CSNK1E: variants seen among roughly 807,000 people sequenced by gnomAD.
CSNK1E encodes the protein casein kinase 1 epsilon.
In CSNK1E, 17 loss-of-function variants were observed where a neutral mutation model predicts 46.1. That is an observed-to-expected ratio of 0.37 (90% CI 0.25 to 0.55). The LOEUF is 0.55. CSNK1E is among the 20% of genes least tolerant of loss of function. CSNK1E has a pLI of 0.82. For missense variants in CSNK1E, 386 were observed against 595.4 expected (o/e 0.65, Z 3.66); for synonymous variants, 241 against 242.6 (o/e 0.99, Z 0.06).
intron 2 of CSNK1E, among the ~76,000 whole-genome samples, chr22:38,304,083 C>T (rs771782452): frequency 3.0e-4 from 45 of 152,266 alleles, no homozygotes; most frequent in Admixed American, 1.8e-3. Flanking sequence ...GTTTCCCTGG[C>T]TGTATGGGTG....
intron 1 of CSNK1E, among the ~76,000 whole-genome samples, chr22:38,315,588 A>G (rs555251551): frequency 6.6e-6 from 1 of 151,742 alleles, no homozygotes; most frequent in African/African-American, 2.4e-5. Context: ...GTACACTCCA[A>G]CGGAAGAAAG....
At chr22:38,305,314 C>A (rs1251900371) in intron 2 of CSNK1E, among the ~76,000 whole-genome samples, 1 of 151,684 alleles carries the variant, frequency 6.6e-6, no homozygotes, top group Non-Finnish European at 1.5e-5. Flanking sequence ...TCTTTGCATC[C>A]ACTCAACGTT....
intron 10 of CSNK1E, 105 bp downstream of exon 10, chr22:38,293,150 C>T (rs1569074089): frequency 1.7e-5 from 16 of 919,928 alleles, no homozygotes; most frequent in African/African-American, 1.6e-5. Flanking sequence ...CCATCTGCCA[C>T]TGCCACTGCC....
At chr22:38,312,023 C>T (rs533132269) in intron 2 of CSNK1E, among the ~76,000 whole-genome samples, 24 of 152,230 alleles carry the variant, frequency 1.6e-4, no homozygotes, top group African/African-American at 5.1e-4. Flanking sequence ...AGGCTGGTCT[C>T]GAACTCCTGA....
intron 4 of CSNK1E, 120 bp downstream of exon 4, chr22:38,302,741 G>A: frequency 8.8e-7 from 1 of 1,142,192 alleles, no homozygotes; most frequent in South Asian, 1.5e-5. Context: ...CAATTCTATA[G>A]CCAGTGGACA....
At position 38,298,430 on chromosome 22, in the gene CSNK1E, G is replaced by T; in HGVS notation, c.885+356C>A. The T allele has an allele frequency of 2.7e-6, 1 of 369,758 alleles. No homozygotes were observed. The highest frequency in any genetic ancestry group is 5.2e-6 in the Non-Finnish European group (1 of 190,932). 22.9% of individuals were successfully genotyped at this position (369,758 alleles called of 1,614,324 possible). The stretch of plus-strand genomic sequence containing the variant: ...GGCCATGGTGCAGGTAGCCACCTGG[G>T]ATGTGCAGAACAGGAGCAGCAGGAC... On this transcript the variant is annotated intron_variant, in intron 7 of 10. Coordinates refer to ENST00000396832, the MANE Select transcript of CSNK1E (RefSeq NM_152221.3). The surrounding 1 kb of genome is among the most constrained non-coding windows in gnomAD (Gnocchi z 4.2).
intron 10 of CSNK1E, chr22:38,292,977 G>A (rs573254857): frequency 2.6e-4 from 126 of 477,664 alleles, no homozygotes; most frequent in African/African-American, 2.4e-3. Context: ...AATATGTTAA[G>A]GCAGAAGGAG....
At chr22:38,296,664 G>A (rs764807388) in intron 7 of CSNK1E, 3 of 1,612,876 alleles carry the variant, frequency 1.9e-6, no homozygotes, top group Admixed American at 1.7e-5. Context: ...ACCAGCAGCA[G>A]TGGGTGGAGA....
In CSNK1E at chr22:38,293,311, C is replaced by T. The variant is rs779048216; in HGVS notation, c.1227G>A (p.Val409=). Reference sequence around the variant, plus strand: ...CTCACTTCCCGAGATGGTCAAATGGCACACTTGTCTTTTGAGGGTGGGGAG... The same window carrying T: ...CTCACTTCCCGAGATGGTCAAATGGTACACTTGTCTTTTGAGGGTGGGGAG... ...VSRIPASQTS[V]PFDHLGK Residue 409 remains valine, a synonymous_variant, in exon 10 of 11, where the codon GTG becomes GTA. Coordinates refer to ENST00000396832, the MANE Select transcript of CSNK1E (RefSeq NM_152221.3). 16 of 1,609,482 alleles carry T rather than the reference C, an allele frequency of 9.9e-6. No homozygotes were observed. The highest frequency in any genetic ancestry group is 2.2e-5 in the East Asian group (1 of 44,724).
rs143947341 is a variant in CSNK1E at position 38,315,786 on chromosome 22, G to A, written c.-13+1374C>T. Among the ~76,000 whole-genome samples the A allele has an allele frequency of 2.6e-3, 393 of 152,090 alleles. 1 individual carries two copies. The highest frequency in any genetic ancestry group is 9.1e-3 in the African/African-American group (378 of 41,462). ...CCTATATTACATAAATACCCACGCC[G>A]GGTTATATAAATACCCGTGCCCTCT... On this transcript the variant is annotated intron_variant, in intron 1 of 10. Coordinates refer to ENST00000396832, the MANE Select transcript of CSNK1E (RefSeq NM_152221.3).
chr22:38,292,924 T>G, intron 10 of CSNK1E: 1 of 359,630 alleles, frequency 2.8e-6, no homozygotes, highest in East Asian at 7.4e-5. Flanking sequence ...GAGGTCAGAG[T>G]GTGAGCCCAT....
rs2092663229 is a variant in CSNK1E, at chr22:38,300,118, A to C, written c.566-53T>G. 1 of 1,559,400 alleles carries C rather than the reference A, an allele frequency of 6.4e-7. No homozygotes were observed. The highest frequency in any genetic ancestry group is 1.4e-5 in the African/African-American group (1 of 73,570). ...GGGACAGGGGTCCACTCAGGCCCCT[A>C]ACTCATCCTCTGGGTCATGCTCCTC... On this transcript the variant is annotated intron_variant, in intron 5 of 10. Coordinates refer to ENST00000396832, the MANE Select transcript of CSNK1E (RefSeq NM_152221.3). This position sits in a 1 kb window ranked among gnomAD's most constrained non-coding sequence, Gnocchi z 4.4.
At chr22:38,296,912 T>C (rs879499339) in intron 7 of CSNK1E, 6 of 614,794 alleles carry the variant, frequency 9.8e-6, no homozygotes, top group Non-Finnish European at 1.4e-5. Context: ...GCAGCTGGGA[T>C]TACAGGAACA....
chr22:38,301,432 CT>C (rs1289789442), intron 4 of CSNK1E, among the ~76,000 whole-genome samples: 2 of 151,966 alleles, frequency 1.3e-5, no homozygotes, highest in Non-Finnish European at 2.9e-5. Flanking sequence ...GCCCTCTTTC[CT>C]TTGATATTTT....
intron 2 of CSNK1E, among the ~76,000 whole-genome samples, chr22:38,308,319 A>T (rs1027486067): frequency 1.5e-4 from 23 of 152,338 alleles, no homozygotes; most frequent in Middle Eastern, 3.4e-3. Flanking sequence ...CTTTTGACAC[A>T]TCAATGCTCG....
chr22:38,296,550 G>A (rs778560822), intron 7 of CSNK1E: 24 of 1,611,488 alleles, frequency 1.5e-5, no homozygotes, highest in African/African-American at 2.7e-5. Context: ...TACAGTGGCC[G>A]TGGCATTGAG....
chr22:38,294,328 G>T lies in CSNK1E; in HGVS notation c.1078+14C>A. 1 of 1,584,034 alleles carries T rather than the reference G, an allele frequency of 6.3e-7. No homozygotes were observed. The highest frequency in any genetic ancestry group is 8.6e-7 in the Non-Finnish European group (1 of 1,168,076). On this transcript the variant is annotated intron_variant, in intron 8 of 10. Transcript: ENST00000396832. This position sits in a 1 kb window ranked among gnomAD's most constrained non-coding sequence, Gnocchi z 5.5. ...CCACCCTGAACCCAGCCCACTGCCT[G>T]AGTCCCTGCTCACCAGCCGGCTGGA... is the stretch of plus-strand genomic sequence containing the variant.
rs1487673410 is a variant in CSNK1E at position 38,300,234 on chromosome 22, G to A, written c.566-169C>T. Among the ~76,000 whole-genome samples, 1 of 152,220 alleles carries A rather than the reference G, an allele frequency of 6.6e-6. No individual in the cohort carries two copies. The highest frequency in any genetic ancestry group is 1.5e-5 in the Non-Finnish European group (1 of 68,042). ...ACTGCTATTATCCTCCTCCTACAGA[G>A]AAGAAGCCTGAGGCAGGGCCTTCTC... On this transcript the variant is annotated intron_variant, in intron 5 of 10. Transcript: ENST00000396832. The surrounding 1 kb of genome is among the most constrained non-coding windows in gnomAD (Gnocchi z 4.4).
At chr22:38,293,341 AGAGGGG>A in intron 9 of CSNK1E, 22 bp from the exon 10 acceptor site, 3 of 1,484,318 alleles carry the variant, frequency 2.0e-6, no homozygotes, top group Non-Finnish European at 2.8e-6. Flanking sequence ...GGGGAGGGAG[AGAGGGG>A]GAGGGAGAGA....
Sources: allele counts gnomAD v4.1 joint callset (sites outside exome capture counted in the v4.1 genomes callset), GRCh38; gene constraint gnomAD v4.1.1; non-coding constraint Gnocchi (gnomAD v3.1); transcripts MANE v1.5; gene names NCBI Gene and HGNC (gene_info 2026-07-23, HGNC 2026-07-21).